The following FSHR variants were observed in gnomAD, a reference collection of about 807,000 sequenced individuals.
FSHR encodes follicle stimulating hormone receptor, also known as follicle-stimulating hormone receptor.
FSHR carries 46 observed loss-of-function variants against 52.1 expected under a neutral mutation model. The observed-to-expected ratio is 0.88, with a 90% CI of 0.70 to 1.13. The LOEUF (loss-of-function observed/expected upper bound fraction) is 1.13, where lower values mean the gene tolerates loss of function less well. FSHR is among the 50% of genes most tolerant of loss of function. The pLI is 0.00. For synonymous variants in FSHR, 399 were observed against 309.6 expected, an observed-to-expected ratio of 1.29 and a Z score of -3.03; for missense variants, 964 against 834.6, an observed-to-expected ratio of 1.16 and a Z score of -1.91.
rs533211058 is a variant in FSHR, at chr2:49,077,776, A to C, written c.153-9486T>G. Among the ~76,000 whole-genome samples, 11 of 152,288 alleles carry C rather than the reference A, an allele frequency of 7.2e-5. No individual in the cohort carries two copies. The South Asian group carries it at 1.5e-3, about 20-fold the overall frequency. ...CATCTCTCAAGTTGAAAGTCCCACAAATCTCTAGGGCAGGGGCAAAATGCC... is the reference window on the plus strand; with the variant it reads ...CATCTCTCAAGTTGAAAGTCCCACACATCTCTAGGGCAGGGGCAAAATGCC... On this transcript the variant is annotated intron_variant, in intron 1 of 9. Transcript: ENST00000406846.
At chr2:49,091,035 T>C (rs552014393) in intron 1 of FSHR, among the ~76,000 whole-genome samples, 98 of 152,222 alleles carry the variant, frequency 6.4e-4, no homozygotes, top group Non-Finnish European at 6.3e-4. Flanking sequence ...ACATAGGGTT[T>C]ACAAATATTA....
chr2:49,147,619 C>T (rs1672915537), intron 1 of FSHR, among the ~76,000 whole-genome samples: 2 of 152,004 alleles, frequency 1.3e-5, no homozygotes, highest in Admixed American at 1.3e-4. Flanking sequence ...AGCTCTTAGC[C>T]AATTCTCAGG....
chr2:49,042,828 A>T (rs1192069728), intron 2 of FSHR, among the ~76,000 whole-genome samples: 1 of 152,194 alleles, frequency 6.6e-6, no homozygotes, highest in East Asian at 1.9e-4. Context: ...GGTTCAGTCA[A>T]ACGTTTCCAT....
intron 1 of FSHR, among the ~76,000 whole-genome samples, chr2:49,089,943 C>G (rs567244789): frequency 2.0e-5 from 3 of 152,040 alleles, no homozygotes; most frequent in South Asian, 4.2e-4. Context: ...GCTGACCACT[C>G]GAAAAAGACT....
intron 9 of FSHR, among the ~76,000 whole-genome samples, chr2:48,968,054 C>T (rs1662009511): frequency 6.6e-6 from 1 of 152,186 alleles, no homozygotes; most frequent in African/African-American, 2.4e-5. Context: ...TTACTCTTTC[C>T]AGATCCTGTC....
intron 2 of FSHR, among the ~76,000 whole-genome samples, chr2:49,058,765 A>C (rs1372302737): frequency 6.6e-6 from 1 of 152,230 alleles, no homozygotes; most frequent in Non-Finnish European, 1.5e-5. Flanking sequence ...AGGCCTCTAC[A>C]GGGAAAACCA....
chr2:49,055,531 C>CAAAAAAAAAAAAAA (rs75665223), intron 2 of FSHR, among the ~76,000 whole-genome samples: 1 of 51,132 alleles, frequency 2.0e-5, no homozygotes, highest in Non-Finnish European at 3.4e-5. Context: ...CCAGGAAGCT[C>CAAAAAAAAAAAAAA]AAAAAAAAAA....
intron 1 of FSHR, among the ~76,000 whole-genome samples, chr2:49,103,073 T>G (rs954100005): frequency 9.2e-5 from 14 of 152,196 alleles, no homozygotes; most frequent in African/African-American, 3.4e-4. Context: ...GTTTATGTAT[T>G]GTATGTATAT....
intron 2 of FSHR, among the ~76,000 whole-genome samples, chr2:49,058,563 T>TA (rs926273110): frequency 1.3e-5 from 2 of 151,012 alleles, no homozygotes; most frequent in African/African-American, 4.9e-5. Flanking sequence ...CCTCCCCACC[T>TA]AAAAAAAACC....
At chr2:49,132,819 GT>G (rs1322889875) in intron 1 of FSHR, among the ~76,000 whole-genome samples, 1 of 151,982 alleles carries the variant, frequency 6.6e-6, no homozygotes, top group Non-Finnish European at 1.5e-5. Flanking sequence ...CAGCATGACA[GT>G]TTAAGGAGCT....
intron 1 of FSHR, among the ~76,000 whole-genome samples, chr2:49,077,392 C>G (rs1217340296): frequency 6.6e-6 from 1 of 152,106 alleles, no homozygotes; most frequent in Non-Finnish European, 1.5e-5. Context: ...GCGCTAAGTC[C>G]CTAGGCTGCA....
Position 48,963,301 on chromosome 2 carries a change from C to T in FSHR, c.1520G>A (p.Gly507Asp). Reference sequence around the variant, plus strand: ...GCTCACCTTCATGTAGCTGCTGATGCCAAAGATGGGAAAGAGGGCAGCTGC... The same window carrying T: ...GCTCACCTTCATGTAGCTGCTGATGTCAAAGATGGGAAAGAGGGCAGCTGC... ...AFAAALFPIF[G>D]ISSYMKVSIC... The change falls in exon 10 of 10, where the codon GGC becomes GAC. Residue 507 changes from glycine (G) to aspartate (D), a missense_variant. Physicochemically the swap from Gly to Asp is moderately conservative, Grantham distance 94. Transcript: ENST00000406846. 6.2e-7 allele frequency: 1 copy of T among 1,614,022 alleles called. No individual in the cohort carries two copies. The highest frequency in any genetic ancestry group is 8.5e-7 in the Non-Finnish European group (1 of 1,179,982).
chr2:49,081,897 G>C (rs1183211953), intron 1 of FSHR, among the ~76,000 whole-genome samples: 5 of 152,226 alleles, frequency 3.3e-5, no homozygotes, highest in Admixed American at 3.3e-4. Flanking sequence ...CTTTCTGGCA[G>C]TCTGGAAGAC....
Position 49,082,240 on chromosome 2 carries a change from A to T in FSHR, c.153-13950T>A, listed in dbSNP as rs550932185. 4.1e-4 allele frequency among the ~76,000 whole-genome samples: 62 copies of T among 152,300 alleles called. No individual in the cohort carries two copies. The South Asian group carries it at 0.011, about 27-fold the overall frequency. Reference sequence around the variant, plus strand: ...GGCACCCCCCAGCAGGGGCAGACTGACACCTCACACAGCCGGGTACTCCAA... The same window carrying T: ...GGCACCCCCCAGCAGGGGCAGACTGTCACCTCACACAGCCGGGTACTCCAA... On this transcript the variant is annotated intron_variant, in intron 1 of 9. Coordinates refer to ENST00000406846, the MANE Select transcript of FSHR (RefSeq NM_000145.4).
At chr2:49,125,911 C>A (rs770653803) in intron 1 of FSHR, among the ~76,000 whole-genome samples, 1 of 152,208 alleles carries the variant, frequency 6.6e-6, no homozygotes, top group Non-Finnish European at 1.5e-5. Context: ...TGAACCTCTG[C>A]TATTTCTCCT....
chr2:49,039,880 G>T (rs1668419934), intron 2 of FSHR, among the ~76,000 whole-genome samples: 1 of 151,454 alleles, frequency 6.6e-6, no homozygotes, highest in Non-Finnish European at 1.5e-5. Context: ...TCTTATGGTG[G>T]AATTATGTAA....
At chr2:49,106,070 G>A (rs987163372) in intron 1 of FSHR, among the ~76,000 whole-genome samples, 12 of 152,138 alleles carry the variant, frequency 7.9e-5, no homozygotes, top group Admixed American at 3.3e-4. Flanking sequence ...CCAAAGGAGG[G>A]AATATTTAAG....
In FSHR at chr2:49,059,415, G is replaced by GAA. The variant is rs111343726; in HGVS notation, c.224+8802_224+8803dup. On this transcript the variant is annotated intron_variant, in intron 2 of 9. Coordinates refer to ENST00000406846, the MANE Select transcript of FSHR (RefSeq NM_000145.4). ...TAACCAAAACAGCATGGTACTGGGG[G>GAA]AAAAAAAAAACAGACAAATAGACCA... Among the ~76,000 whole-genome samples the GAA allele has an allele frequency of 5.0e-3, 733 of 146,758 alleles. 29 individuals carry two copies. Among genetic ancestry groups the GAA allele is most frequent in the Admixed American group, 0.043 (640 of 14,724 alleles).
chr2:49,011,630 C>T (rs916914497), intron 4 of FSHR, among the ~76,000 whole-genome samples: 2 of 151,922 alleles, frequency 1.3e-5, no homozygotes, highest in African/African-American at 2.4e-5. Flanking sequence ...TGTTTTAACT[C>T]GATGAACACA....
Sources: gnomAD v4.1 joint callset for allele counts (sites outside exome capture counted in the v4.1 genomes callset) on GRCh38, gnomAD v4.1.1 for gene constraint, MANE v1.5 for transcripts, NCBI Gene and HGNC (gene_info 2026-07-23, HGNC 2026-07-21) for gene names.